PTPRU: variants seen among roughly 807,000 people sequenced by gnomAD.
PTPRU encodes the protein receptor-type tyrosine-protein phosphatase U.
PTPRU carries 69 observed loss-of-function variants against 166.3 expected under a neutral mutation model. The ratio of observed to expected loss-of-function variants is 0.41; its 90% CI spans 0.34 to 0.51. PTPRU has a LOEUF of 0.51. PTPRU is among the 20% of genes least tolerant of loss of function. The pLI, the probability that PTPRU is intolerant of heterozygous loss-of-function variation, is 0.09. For missense variants in PTPRU, 1,657 were observed against 2,013.7 expected, an observed-to-expected ratio of 0.82 and a Z score of 3.39; for synonymous variants, 793 against 814.0, an observed-to-expected ratio of 0.97 and a Z score of 0.44.
chr1:29,323,821 G>A lies in PTPRU; in HGVS notation c.4112+33G>A, dbSNP rs1408285448. The A allele has an allele frequency of 2.5e-6, 4 of 1,610,538 alleles. No individual in the cohort carries two copies. In the East Asian group the frequency reaches 6.7e-5, roughly 27 times the overall value. On this transcript the variant is annotated intron_variant, in intron 28 of 29. Coordinates refer to ENST00000373779, the MANE Select transcript of PTPRU (RefSeq NM_133178.4). ...CCTGCCCTGTGGGAGGGCGGGTGGA[G>A]GGGTTGGGGAGCCAGGGGCAGAGGT...
rs1001374176 is a variant in PTPRU, at chr1:29,311,988, T to C, written c.3072+229T>C. ...GCTGAGACAATGAAGGGGGTGACAG[T>C]ATCTGCCAGGTGCTGGCTCCTACTC... On this transcript the variant is annotated intron_variant, in intron 21 of 29. Coordinates refer to ENST00000373779, the MANE Select transcript of PTPRU (RefSeq NM_133178.4). The surrounding 1 kb of genome is among the most constrained non-coding windows in gnomAD (Gnocchi z 4.1). Among the ~76,000 whole-genome samples, 2 of 152,244 alleles carry C rather than the reference T, an allele frequency of 1.3e-5. No homozygotes were observed. Among genetic ancestry groups the C allele is most frequent in the Non-Finnish European group, 2.9e-5 (2 of 68,038 alleles).
At chr1:29,269,243 T>A (rs1685444011) in intron 7 of PTPRU, among the ~76,000 whole-genome samples, 1 of 52,114 alleles carries the variant, frequency 1.9e-5, no homozygotes, top group Non-Finnish European at 3.4e-5. Context: ...TATATATATA[T>A]ATATTTTTTT....
Position 29,310,416 on chromosome 1 carries a change from C to T in PTPRU, c.2821-328C>T, listed in dbSNP as rs547555404. 2.0e-4 allele frequency among the ~76,000 whole-genome samples: 30 copies of T among 152,174 alleles called. No individual in the cohort carries two copies. The East Asian group carries it at 3.3e-3, about 17-fold the overall frequency. Reference sequence around the variant, plus strand: ...GCAGGGCCATTGGGGACTCTGTCTCCGAACAACAGCCTGGCTGAAAGCAGA... The same window carrying T: ...GCAGGGCCATTGGGGACTCTGTCTCTGAACAACAGCCTGGCTGAAAGCAGA... On this transcript the variant is annotated intron_variant, in intron 18 of 29. Coordinates refer to ENST00000373779, the MANE Select transcript of PTPRU (RefSeq NM_133178.4).
intron 17 of PTPRU, among the ~76,000 whole-genome samples, 187 bp downstream of exon 17, chr1:29,305,036 C>T (rs150337575): frequency 6.6e-4 from 100 of 152,332 alleles, no homozygotes; most frequent in South Asian, 1.0e-3. Context: ...CCCTGTGAAA[C>T]GGGAAATACT....
chr1:29,303,518 A>G lies in PTPRU; in HGVS notation c.2477-337A>G, dbSNP rs112981972. ...AGAGGGGGAGGAAGAAGCAGCTGTC[A>G]TGGGCTCTGCGGAGTGCTGCCTTCT... On this transcript the variant is annotated intron_variant, in intron 15 of 29. Coordinates refer to ENST00000373779, the MANE Select transcript of PTPRU (RefSeq NM_133178.4). Among the ~76,000 whole-genome samples, 373 of 152,368 alleles carry G rather than the reference A, an allele frequency of 2.4e-3. 1 individual carries two copies. Among genetic ancestry groups the G allele is most frequent in the African/African-American group, 8.4e-3 (351 of 41,578 alleles).
intron 18 of PTPRU, among the ~76,000 whole-genome samples, chr1:29,307,749 C>T (rs1165479709): frequency 8.5e-6 from 1 of 117,246 alleles, no homozygotes; most frequent in African/African-American, 2.8e-5. Flanking sequence ...AAATATTATG[C>T]TTTTTTTTTT....
At chr1:29,251,245 C>A (rs1284047204) in intron 1 of PTPRU, among the ~76,000 whole-genome samples, 4 of 151,498 alleles carry the variant, frequency 2.6e-5, no homozygotes, top group Non-Finnish European at 4.4e-5. Context: ...GAATGAGACT[C>A]TATCTCAAAA....
Position 29,260,386 on chromosome 1 carries a change from G to GT in PTPRU, c.851-222dup. 2.0e-6 allele frequency: 1 copy of GT among 495,182 alleles called. No homozygotes were observed. Among genetic ancestry groups the GT allele is most frequent in the Non-Finnish European group, 3.5e-6 (1 of 288,242 alleles). The allele number at this position is 495,182 out of a possible 1,614,324, so 30.7% of individuals were successfully genotyped here. On this transcript the variant is annotated intron_variant, in intron 6 of 29. Transcript: ENST00000373779. This position sits in a 1 kb window ranked among gnomAD's most constrained non-coding sequence, Gnocchi z 8.3. Reference sequence around the variant, plus strand: ...GGATTAGGAGGGGCCTGAGAGAGGGGTTGTGGGCTGATGGGCGAGGGCGGG... The same window carrying GT: ...GGATTAGGAGGGGCCTGAGAGAGGGGTTTGTGGGCTGATGGGCGAGGGCGGG...
Position 29,311,309 on chromosome 1 carries a change from C to A in PTPRU, c.2858-147C>A. ...GGGCCCTACAGGCATGCGTCAGCTGCAAGCTGGGTGTTGTGGGCAGCATGA... is the reference window on the plus strand; with the variant it reads ...GGGCCCTACAGGCATGCGTCAGCTGAAAGCTGGGTGTTGTGGGCAGCATGA... On this transcript the variant is annotated intron_variant, in intron 19 of 29. Coordinates refer to ENST00000373779, the MANE Select transcript of PTPRU (RefSeq NM_133178.4). The surrounding 1 kb of genome is among the most constrained non-coding windows in gnomAD (Gnocchi z 4.1). The A allele has an allele frequency of 1.4e-6, 1 of 716,652 alleles. No individual in the cohort carries two copies. The highest frequency in any genetic ancestry group is 2.3e-6 in the Non-Finnish European group (1 of 431,286). 44.4% of individuals were successfully genotyped at this position (716,652 alleles called of 1,614,324 possible).
chr1:29,275,892 T>A, intron 8 of PTPRU, 136 bp downstream of exon 8: 1 of 934,952 alleles, frequency 1.1e-6, no homozygotes, highest in Non-Finnish European at 1.6e-6. Flanking sequence ...ACCAAAGTAG[T>A]GATAGCTCCT....
rs775231191 is a variant in PTPRU, at chr1:29,279,601, G to A, written c.1709G>A (p.Arg570His). 4.3e-6 allele frequency: 7 copies of A among 1,613,966 alleles called. No homozygotes were observed. In the Admixed American group the frequency reaches 6.7e-5, roughly 15 times the overall value. The change falls in exon 10 of 30, where the codon CGC becomes CAC. Residue 570 changes from arginine (R) to histidine (H), a missense_variant. Physicochemically the swap from Arg to His is conservative, Grantham distance 29. Transcript: ENST00000373779. This position sits in a 1 kb window ranked among gnomAD's most constrained non-coding sequence, Gnocchi z 5.2. The part of the protein sequence containing the change: ...GTTYLFSVRA[R>H]TGKGFGQAAL... Reference sequence around the variant, plus strand: ...ACCTACCTGTTCTCCGTGCGGGCCCGCACAGGCAAAGGCTTCGGCCAGGCG... The same window carrying A: ...ACCTACCTGTTCTCCGTGCGGGCCCACACAGGCAAAGGCTTCGGCCAGGCG...
At chr1:29,248,059 T>C (rs1323336415) in intron 1 of PTPRU, among the ~76,000 whole-genome samples, 1 of 152,190 alleles carries the variant, frequency 6.6e-6, no homozygotes, top group Non-Finnish European at 1.5e-5. Context: ...ATGAGTTGAC[T>C]TGGGCAAGGA....
intron 7 of PTPRU, among the ~76,000 whole-genome samples, chr1:29,264,081 C>T (rs1685183253): frequency 6.6e-6 from 1 of 151,552 alleles, no homozygotes; most frequent in Non-Finnish European, 1.5e-5. Context: ...GGCTGAGGCA[C>T]AAGAATCGCT....
intron 28 of PTPRU, 97 bp downstream of exon 28, chr1:29,323,885 G>C: frequency 7.1e-7 from 1 of 1,411,292 alleles, no homozygotes; most frequent in Non-Finnish European, 9.5e-7. Context: ...GGACTGCAAA[G>C]CTGGCACCGA....
intron 14 of PTPRU, among the ~76,000 whole-genome samples, chr1:29,290,655 C>G (rs982627505): frequency 2.0e-5 from 3 of 152,246 alleles, no homozygotes; most frequent in African/African-American, 7.2e-5. Flanking sequence ...TCCAACAACT[C>G]AACACCCAGC....
chr1:29,317,796 G>A lies in PTPRU; in HGVS notation c.3562G>A (p.Ala1188Thr), dbSNP rs1687968937. 6.2e-7 allele frequency: 1 copy of A among 1,612,914 alleles called. No individual in the cohort carries two copies. Among genetic ancestry groups the A allele is most frequent in the Non-Finnish European group, 8.5e-7 (1 of 1,180,020 alleles). ...PPLDVEECSIALLPRNRDKNR... is the reference protein window; with the variant it reads ...PPLDVEECSITLLPRNRDKNR... ...GCTGGACGTGGAGGAGTGCAGCATC[G>A]CCCTGTTGCCCCGGAACCGCGACAA... The change falls in exon 25 of 30, where the codon GCC (alanine) becomes ACC (threonine). Residue 1188 changes from alanine to threonine, a missense_variant. Ala to Thr is a moderately conservative substitution (Grantham distance 58, BLOSUM62 0). This residue lies in a region of PTPRU where 1,190 missense variants were observed against 1,477.4 expected (regional missense o/e 0.81). Transcript: ENST00000373779. This position sits in a 1 kb window ranked among gnomAD's most constrained non-coding sequence, Gnocchi z 5.6.
chr1:29,310,135 C>A (rs1557476689), intron 18 of PTPRU, among the ~76,000 whole-genome samples: 1 of 152,096 alleles, frequency 6.6e-6, no homozygotes, highest in Non-Finnish European at 1.5e-5. Flanking sequence ...AGTACGTGAC[C>A]ATAACAGGGT....
At chr1:29,259,683 C>A in intron 5 of PTPRU, 119 bp downstream of exon 5, 1 of 1,237,238 alleles carries the variant, frequency 8.1e-7, no homozygotes, top group South Asian at 1.5e-5. Flanking sequence ...CTGCGCACAG[C>A]GTCCCGGCCC....
chr1:29,259,129 G>A (rs1003372348), intron 3 of PTPRU, 132 bp from the exon 4 acceptor site: 3 of 1,022,776 alleles, frequency 2.9e-6, no homozygotes, highest in Non-Finnish European at 4.3e-6. Context: ...GCTTGGGAGG[G>A]AGGGTCAGTG....
Sources: allele counts gnomAD v4.1 joint callset (sites outside exome capture counted in the v4.1 genomes callset), GRCh38; gene constraint gnomAD v4.1.1; regional missense constraint gnomAD v4.1.1; non-coding constraint Gnocchi (gnomAD v3.1); transcripts MANE v1.5; gene names NCBI Gene and HGNC (gene_info 2026-07-23, HGNC 2026-07-21).